The following LINGO2 variants were observed in gnomAD, a reference collection of about 807,000 sequenced individuals.
LINGO2 encodes the protein leucine-rich repeat and immunoglobulin-like domain-containing nogo receptor-interacting protein 2.
LINGO2 carries 14 observed loss-of-function variants against 30.6 expected under a neutral mutation model. That is an observed-to-expected ratio of 0.46 (90% CI 0.30 to 0.72). The LOEUF is 0.72. Ranked by LOEUF, LINGO2 falls within the 30% of genes least tolerant of loss-of-function variation. The pLI is 0.07. For synonymous variants in LINGO2, 317 were observed against 288.5 expected (o/e 1.10, Z -1.00); for missense variants, 729 against 751.7 (o/e 0.97, Z 0.35).
chr9:28,777,723 T>C, the LINGO2 span, among the ~76,000 whole-genome samples: 4 of 152,184 alleles, frequency 2.6e-5, no homozygotes, highest in Non-Finnish European at 5.9e-5. Context: ...AATCTCATGA[T>C]GTGGGTAGGA....
intron 4 of LINGO2, among the ~76,000 whole-genome samples, chr9:28,167,900 C>G (rs1334725700): frequency 6.6e-6 from 1 of 152,322 alleles, no homozygotes; most frequent in East Asian, 1.9e-4. Flanking sequence ...ATCTCCTTCT[C>G]CACACATTGG....
chr9:28,966,793 GT>G, the LINGO2 span, among the ~76,000 whole-genome samples: 1 of 152,056 alleles, frequency 6.6e-6, no homozygotes, highest in African/African-American at 2.4e-5. Context: ...GTCAGGAAGA[GT>G]TCTTTAAACA....
At chr9:28,548,702 C>CAAAAA (rs147347396) in intron 1 of LINGO2, among the ~76,000 whole-genome samples, 9 of 63,342 alleles carry the variant, frequency 1.4e-4, no homozygotes, top group East Asian at 4.2e-4. Context: ...GACTCCATCT[C>CAAAAA]AAAAAAAAAA....
rs1036083514 is a variant in LINGO2 at position 28,129,220 on chromosome 9, G to A, written c.-86-116815C>T. On this transcript the variant is annotated intron_variant, in intron 4 of 5. Transcript: ENST00000379992. The surrounding 1 kb of genome is among the most constrained non-coding windows in gnomAD (Gnocchi z 4.0). The stretch of plus-strand genomic sequence containing the variant: ...CTCCTCAGCTTGCAGGCAGCCTATC[G>A]TGGGACTTCACCTGGTAATCGTGGG... Among the ~76,000 whole-genome samples, 7 of 152,086 alleles carry A rather than the reference G, an allele frequency of 4.6e-5. No individual in the cohort carries two copies. The highest frequency in any genetic ancestry group is 8.8e-5 in the Non-Finnish European group (6 of 68,018).
intron 3 of LINGO2, among the ~76,000 whole-genome samples, chr9:28,350,672 C>T (rs945215487): frequency 6.6e-6 from 1 of 151,882 alleles, no homozygotes; most frequent in Non-Finnish European, 1.5e-5. Context: ...TACAGACTCT[C>T]CACCCCAAAT....
the LINGO2 span, among the ~76,000 whole-genome samples, chr9:28,703,450 A>G: frequency 6.6e-6 from 1 of 151,736 alleles, no homozygotes; most frequent in African/African-American, 2.4e-5. Context: ...TTTCTAACTT[A>G]ATTTCACTCT....
At chr9:28,833,976 C>T in the LINGO2 span, among the ~76,000 whole-genome samples, 1 of 151,672 alleles carries the variant, frequency 6.6e-6, no homozygotes, top group Admixed American at 6.6e-5. Flanking sequence ...ACTTTTTTAG[C>T]CTGCACAATT....
chr9:28,557,131 A>C (rs1366677674), intron 1 of LINGO2, among the ~76,000 whole-genome samples: 16 of 152,082 alleles, frequency 1.1e-4, no homozygotes, highest in African/African-American at 4.8e-5. Flanking sequence ...GGCAACAAAG[A>C]CAAAATTGAC....
chr9:28,559,963 T>TAG (rs1047492862), intron 1 of LINGO2, among the ~76,000 whole-genome samples: 11 of 151,118 alleles, frequency 7.3e-5, no homozygotes, highest in African/African-American at 2.7e-4. Flanking sequence ...GTACATAGAG[T>TAG]AGAGGAACAG....
intron 4 of LINGO2, among the ~76,000 whole-genome samples, chr9:28,085,528 G>C (rs1342580122): frequency 2.0e-5 from 3 of 152,108 alleles, no homozygotes; most frequent in Non-Finnish European, 2.9e-5. Context: ...TGGTGTATCA[G>C]AAAATAAACA....
Position 28,029,576 on chromosome 9 carries a change from T to TAAAG in LINGO2, c.-86-17172_-86-17171insCTTT, listed in dbSNP as rs759383241. Among the ~76,000 whole-genome samples the TAAAG allele has an allele frequency of 1.9e-3, 284 of 152,258 alleles. 1 individual carries two copies. The highest frequency in any genetic ancestry group is 0.014 in the Middle Eastern group (4 of 294). ...GAAAGGAACCACATTTATATCCTTC[T>TAAAG]AACCGTCAAAAATAAAATGAAGGAG... On this transcript the variant is annotated intron_variant, in intron 4 of 5. Transcript: ENST00000379992.
intron 4 of LINGO2, among the ~76,000 whole-genome samples, chr9:28,222,342 G>C (rs1587259353): frequency 6.6e-6 from 1 of 152,068 alleles, no homozygotes; most frequent in African/African-American, 2.4e-5. Context: ...ATATGACATT[G>C]TTCCCATAAA....
the LINGO2 span, among the ~76,000 whole-genome samples, chr9:28,882,308 G>A: frequency 3.3e-5 from 5 of 152,198 alleles, no homozygotes; most frequent in South Asian, 6.2e-4. Context: ...TAGATGAAGA[G>A]ATGTAGCACA....
intron 5 of LINGO2, among the ~76,000 whole-genome samples, chr9:27,995,085 A>C (rs1270842803): frequency 6.6e-6 from 1 of 152,222 alleles, no homozygotes; most frequent in East Asian, 1.9e-4. Context: ...ACAGAAATAC[A>C]AAGAATCATT....
At chr9:28,001,718 A>C (rs993238240) in intron 5 of LINGO2, among the ~76,000 whole-genome samples, 3 of 152,120 alleles carry the variant, frequency 2.0e-5, no homozygotes, top group Non-Finnish European at 4.4e-5. Context: ...AAAAAAGCAC[A>C]AGTACAGCTG....
At chr9:28,798,238 T>C in the LINGO2 span, among the ~76,000 whole-genome samples, 1 of 150,316 alleles carries the variant, frequency 6.7e-6, no homozygotes, top group Non-Finnish European at 1.5e-5. Flanking sequence ...ATGGTAGAAA[T>C]AATAGCATGT....
the LINGO2 span, among the ~76,000 whole-genome samples, chr9:28,679,777 T>G: frequency 6.6e-6 from 1 of 152,056 alleles, no homozygotes; most frequent in Non-Finnish European, 1.5e-5. Context: ...GAATATTAAT[T>G]TGGTCCTTTT....
intron 4 of LINGO2, among the ~76,000 whole-genome samples, chr9:28,150,449 C>T (rs1306279570): frequency 6.6e-6 from 1 of 152,160 alleles, no homozygotes; most frequent in Non-Finnish European, 1.5e-5. Context: ...GCCGGCATGG[C>T]GGTTTGTGCC....
At chr9:28,714,708 T>C in the LINGO2 span, among the ~76,000 whole-genome samples, 2 of 152,136 alleles carry the variant, frequency 1.3e-5, no homozygotes, top group East Asian at 1.9e-4. Flanking sequence ...TAATTTTCCA[T>C]GATGTTAATG....
Sources: gnomAD v4.1 joint callset for allele counts (sites outside exome capture counted in the v4.1 genomes callset) on GRCh38, gnomAD v4.1.1 for gene constraint, Gnocchi (gnomAD v3.1) non-coding constraint, MANE v1.5 for transcripts, NCBI Gene and HGNC (gene_info 2026-07-23, HGNC 2026-07-21) for gene names.